The following FRYL variants were observed in gnomAD, a reference collection of about 807,000 sequenced individuals.
FRYL encodes the protein protein furry homolog-like.
In FRYL, 150 loss-of-function variants were observed where a neutral mutation model predicts 351.2. The ratio of observed to expected loss-of-function variants is 0.43; its 90% CI spans 0.37 to 0.49. The LOEUF is 0.49. FRYL is among the 20% of genes least tolerant of loss of function. The pLI is 0.00. For synonymous variants in FRYL, 1,153 were observed against 1,257.1 expected (o/e 0.92, Z 1.75); for missense variants, 3,036 against 3,619.3 (o/e 0.84, Z 4.13).
At chr4:48,715,492 G>C (rs1392617542) in intron 1 of FRYL, among the ~76,000 whole-genome samples, 2 of 151,450 alleles carry the variant, frequency 1.3e-5, no homozygotes, top group Admixed American at 6.6e-5. Context: ...GACAAACAGA[G>C]AGCCAAATCA....
At chr4:48,708,819 C>T (rs1390527345) in intron 2 of FRYL, among the ~76,000 whole-genome samples, 3 of 151,786 alleles carry the variant, frequency 2.0e-5, no homozygotes, top group African/African-American at 7.3e-5. Context: ...GTCTCAAACT[C>T]TTGGCCTCAG....
intron 55 of FRYL, 132 bp from the exon 56 acceptor site, chr4:48,515,407 G>C: frequency 1.5e-6 from 1 of 678,740 alleles, no homozygotes; most frequent in South Asian, 2.0e-5. Flanking sequence ...CTGTCACCCA[G>C]GCTGGAGTGG....
intron 59 of FRYL, among the ~76,000 whole-genome samples, chr4:48,508,183 T>C (rs968814352): frequency 6.6e-6 from 1 of 152,236 alleles, no homozygotes; most frequent in African/African-American, 2.4e-5. Context: ...GGGCCAGATA[T>C]AACTTGACAG....
chr4:48,523,857 G>A lies in FRYL; in HGVS notation c.7318-753C>T, dbSNP rs1240506892. On this transcript the variant is annotated intron_variant, in intron 53 of 63. Coordinates refer to ENST00000358350, the MANE Select transcript of FRYL (RefSeq NM_015030.2). The stretch of plus-strand genomic sequence containing the variant: ...TACAAGGTCACAATTATTTCAGTTG[G>A]TAGGATAGCTCTGGCTAAATTCAAT... 2.6e-5 allele frequency among the ~76,000 whole-genome samples: 4 copies of A among 152,168 alleles called. No homozygotes were observed. In the East Asian group the frequency reaches 7.7e-4, roughly 29 times the overall value.
chr4:48,548,533 C>G (rs1731946177), intron 40 of FRYL, among the ~76,000 whole-genome samples, 157 bp downstream of exon 40: 1 of 152,028 alleles, frequency 6.6e-6, no homozygotes, highest in African/African-American at 2.4e-5. Flanking sequence ...CCAGACATAA[C>G]TCCCCAAGAG....
chr4:48,656,318 A>T (rs1403370478), intron 3 of FRYL, among the ~76,000 whole-genome samples: 2 of 124,264 alleles, frequency 1.6e-5, no homozygotes. Flanking sequence ...TATATATTAC[A>T]TAATATATAC....
chr4:48,713,099 C>T (rs934919377), intron 1 of FRYL, among the ~76,000 whole-genome samples: 11 of 152,140 alleles, frequency 7.2e-5, no homozygotes, highest in South Asian at 2.1e-4. Flanking sequence ...TGGAAAGGAA[C>T]GACCGGTACC....
At chr4:48,569,509 G>C (rs1469563448) in intron 27 of FRYL, among the ~76,000 whole-genome samples, 1 of 152,228 alleles carries the variant, frequency 6.6e-6, no homozygotes, top group African/African-American at 2.4e-5. Flanking sequence ...GTTTCGCCAT[G>C]TTGGCCAGGA....
chr4:48,564,212 GA>G (rs1484303272), intron 30 of FRYL, 110 bp from the exon 31 acceptor site: 1 of 1,161,390 alleles, frequency 8.6e-7, no homozygotes, highest in Non-Finnish European at 1.2e-6. Context: ...GTAATTAATA[GA>G]AAAATTCCAT....
At chr4:48,766,497 G>A (rs556123849) in intron 1 of FRYL, among the ~76,000 whole-genome samples, 37 of 152,120 alleles carry the variant, frequency 2.4e-4, no homozygotes, top group Admixed American at 1.3e-4. Context: ...GATGCAGGAG[G>A]GCTCTGAGGC....
chr4:48,778,639 T>C (rs1242714292), intron 1 of FRYL, among the ~76,000 whole-genome samples: 2 of 152,232 alleles, frequency 1.3e-5, no homozygotes, highest in African/African-American at 2.4e-5. Context: ...CCTCGGCAAG[T>C]ATTGACAGAT....
intron 12 of FRYL, among the ~76,000 whole-genome samples, chr4:48,602,786 T>G (rs1745966423): frequency 6.6e-6 from 1 of 152,164 alleles, no homozygotes; most frequent in Non-Finnish European, 1.5e-5. Context: ...CTAAAATCAC[T>G]TTATGACAGT....
intron 2 of FRYL, among the ~76,000 whole-genome samples, chr4:48,700,593 G>T (rs1338195641): frequency 6.6e-6 from 1 of 151,900 alleles, no homozygotes; most frequent in African/African-American, 2.4e-5. Flanking sequence ...CTTGAGCCCA[G>T]GAGTTCAAGA....
chr4:48,761,003 C>CTGTG (rs202244146), intron 1 of FRYL, among the ~76,000 whole-genome samples: 6,653 of 120,994 alleles, frequency 0.055, 175 homozygotes, highest in South Asian at 0.097. Flanking sequence ...TATTATTACT[C>CTGTG]TGTCTGTGTG....
intron 1 of FRYL, among the ~76,000 whole-genome samples, chr4:48,721,251 C>T (rs1312800189): frequency 6.6e-6 from 1 of 152,140 alleles, no homozygotes; most frequent in African/African-American, 2.4e-5. Context: ...ATCCTCTAAC[C>T]AGCCCAGAAT....
intron 1 of FRYL, among the ~76,000 whole-genome samples, chr4:48,764,746 A>G (rs1413128897): frequency 6.6e-6 from 1 of 152,234 alleles, no homozygotes; most frequent in Non-Finnish European, 1.5e-5. Flanking sequence ...AATTGAAAGA[A>G]TATTATTTTG....
At chr4:48,530,841 T>C (rs190948774) in intron 50 of FRYL, among the ~76,000 whole-genome samples, 62 of 152,356 alleles carry the variant, frequency 4.1e-4, no homozygotes, top group African/African-American at 1.3e-3. Flanking sequence ...AGATAGATGC[T>C]ACATACTCCC....
At position 48,567,151 on chromosome 4, in the gene FRYL, C is replaced by A. The variant is rs969965029; in HGVS notation, c.3169+97G>T. Reference sequence around the variant, plus strand: ...GACATATTTTTCCAGTATGTTCATACGTTACTTTATCAACTTAGATTATTA... The same window carrying A: ...GACATATTTTTCCAGTATGTTCATAAGTTACTTTATCAACTTAGATTATTA... On this transcript the variant is annotated intron_variant, in intron 28 of 63. Transcript: ENST00000358350. The surrounding 1 kb of genome is among the most constrained non-coding windows in gnomAD (Gnocchi z 4.2). 1.0e-6 allele frequency: 1 copy of A among 974,518 alleles called. No homozygotes were observed. The highest frequency in any genetic ancestry group is 1.7e-5 in the African/African-American group (1 of 59,114). The allele number at this position is 974,518 out of a possible 1,614,324, so 60.4% of individuals were successfully genotyped here. A position where few individuals can be genotyped will look rare whatever the true frequency, so the allele number is the denominator to read the frequency against.
At chr4:48,670,940 TC>T (rs914843300) in intron 3 of FRYL, among the ~76,000 whole-genome samples, 20 of 152,316 alleles carry the variant, frequency 1.3e-4, no homozygotes, top group African/African-American at 4.3e-4. Flanking sequence ...TATACTGATT[TC>T]CTTTCTTTTG....
Sources: allele counts gnomAD v4.1 joint callset (sites outside exome capture counted in the v4.1 genomes callset), GRCh38; gene constraint gnomAD v4.1.1; non-coding constraint Gnocchi (gnomAD v3.1); transcripts MANE v1.5; gene names NCBI Gene and HGNC (gene_info 2026-07-23, HGNC 2026-07-21).